SORBS2: variants seen among roughly 807,000 people sequenced by gnomAD.
SORBS2 encodes the protein sorbin and SH3 domain-containing protein 2.
A neutral mutation model predicts 97.7 loss-of-function variants in SORBS2; 46 were observed. That is an observed-to-expected ratio of 0.47 (90% CI 0.37 to 0.60). The LOEUF is 0.60. Among genes scored for constraint, SORBS2 ranks in the 20% least tolerant of loss-of-function variants. The pLI is 0.00. For missense variants in SORBS2, 1,316 were observed against 1,282.3 expected (o/e 1.03, Z -0.40); for synonymous variants, 476 against 473.4 (o/e 1.01, Z -0.07).
intron 1 of SORBS2, among the ~76,000 whole-genome samples, chr4:185,950,376 AG>A (rs1370513865): frequency 6.6e-6 from 1 of 152,238 alleles, no homozygotes; most frequent in Non-Finnish European, 1.5e-5. Flanking sequence ...ATGGAATTAG[AG>A]GCAGATGAAG....
intron 2 of SORBS2, among the ~76,000 whole-genome samples, chr4:185,762,232 A>G (rs772875331): frequency 5.3e-4 from 80 of 152,196 alleles, no homozygotes; most frequent in Admixed American, 1.2e-3. Flanking sequence ...GGGTGGCACC[A>G]TCGTCAAGAT....
intron 4 of SORBS2, chr4:185,677,594 C>G: frequency 6.5e-7 from 1 of 1,535,150 alleles, no homozygotes; most frequent in South Asian, 1.2e-5. Context: ...GACTGGTTAT[C>G]AAAGAGCTAT....
chr4:185,586,740 C>A (rs1019220331), exon 15 of SORBS2: 2 of 152,580 alleles, frequency 1.3e-5, no homozygotes, highest in African/African-American at 4.8e-5. Context: ...ATTCTTTGCA[C>A]CTCTCACTAA....
At chr4:185,694,675 C>CT (rs1042269923) in intron 2 of SORBS2, among the ~76,000 whole-genome samples, 6 of 132,190 alleles carry the variant, frequency 4.5e-5, no homozygotes, top group South Asian at 2.5e-4. Flanking sequence ...GCTTGAATTT[C>CT]TTTTTTTTCT....
In SORBS2 at chr4:185,727,622, A is replaced by G. The variant is rs528319513; in HGVS notation, c.-198+47605T>C. 2.6e-3 allele frequency among the ~76,000 whole-genome samples: 392 copies of G among 152,366 alleles called. 4 individuals are homozygous for G. Among genetic ancestry groups the G allele is most frequent in the African/African-American group, 9.1e-3 (380 of 41,594 alleles). Reference sequence around the variant, plus strand: ...TCATTTCAACAAGCTTCTGTAAATAAATAGGCTTTCATTAGGAAACCAGCC... The same window carrying G: ...TCATTTCAACAAGCTTCTGTAAATAGATAGGCTTTCATTAGGAAACCAGCC... On this transcript the variant is annotated intron_variant, in intron 2 of 20. Coordinates refer to the SORBS2 transcript ENST00000284776.
At position 185,763,758 on chromosome 4, in the gene SORBS2, A is replaced by C. The variant is rs146416349; in HGVS notation, c.-198+11469T>G. 1.9e-3 allele frequency among the ~76,000 whole-genome samples: 291 copies of C among 152,300 alleles called. 2 individuals carry two copies. The highest frequency in any genetic ancestry group is 6.6e-3 in the African/African-American group (276 of 41,580). ...AAAATTATAAAGACTTTTGGCTTGC[A>C]CTGAATTTTCAGATTACATGTGAAA... On this transcript the variant is annotated intron_variant, in intron 2 of 20. Transcript: ENST00000284776.
Position 185,606,437 on chromosome 4 carries a change from C to A in SORBS2, c.2796+5343G>T, listed in dbSNP as rs1389084367. ...TTAAATATGGTGTGTTTTCATATAC[C>A]CACTCCACCCCCATCTTATATAGTA... On this transcript the variant is annotated intron_variant, in intron 12 of 14. Coordinates refer to ENST00000418609, the Ensembl canonical transcript of SORBS2. The surrounding 1 kb of genome is among the most constrained non-coding windows in gnomAD (Gnocchi z 4.3). The A allele has an allele frequency of 1.0e-6, 1 of 972,044 alleles. No individual in the cohort carries two copies. The highest frequency in any genetic ancestry group is 1.2e-6 in the Non-Finnish European group (1 of 818,344). 60.2% of individuals were successfully genotyped at this position (972,044 alleles called of 1,614,324 possible).
chr4:185,632,004 C>T (rs1437101230), intron 4 of SORBS2, among the ~76,000 whole-genome samples: 2 of 152,192 alleles, frequency 1.3e-5, no homozygotes, highest in Admixed American at 6.5e-5. Flanking sequence ...CAAATGTTGT[C>T]TTAAGTTGCC....
chr4:185,603,780 A>T (rs758530651), intron 12 of SORBS2, among the ~76,000 whole-genome samples: 15 of 152,198 alleles, frequency 9.9e-5, no homozygotes, highest in Non-Finnish European at 2.1e-4. Context: ...TGTTAAAATA[A>T]TTTTTTAAAA....
At chr4:185,887,058 AC>A (rs146650796) in intron 1 of SORBS2, among the ~76,000 whole-genome samples, 1,579 of 152,292 alleles carry the variant, frequency 0.01, 8 homozygotes, top group Non-Finnish European at 0.016. Context: ...TTTGCAGCAC[AC>A]TTGAGTTGCA....
At chr4:185,887,006 A>G (rs6552935) in intron 1 of SORBS2, among the ~76,000 whole-genome samples, 116,280 of 152,000 alleles carry the variant, frequency 0.77, 44,669 homozygotes, top group African/African-American at 0.85. Flanking sequence ...CCTTCCAGCC[A>G]GTTTGAAGAC....
At chr4:185,830,696 G>C (rs1029850012) in intron 1 of SORBS2, among the ~76,000 whole-genome samples, 12 of 152,162 alleles carry the variant, frequency 7.9e-5, no homozygotes, top group Non-Finnish European at 1.6e-4. Flanking sequence ...GGTTGGTGCT[G>C]TTTGTTGAAG....
intron 1 of SORBS2, among the ~76,000 whole-genome samples, chr4:185,844,864 T>G (rs1001715118): frequency 6.6e-6 from 1 of 152,190 alleles, no homozygotes; most frequent in Non-Finnish European, 1.5e-5. Flanking sequence ...AAAGACTATA[T>G]GTAACACGAT....
intron 1 of SORBS2, among the ~76,000 whole-genome samples, chr4:185,906,956 T>A (rs894201364): frequency 6.6e-6 from 1 of 151,932 alleles, no homozygotes. Context: ...CGAAACCCCG[T>A]GTCTACTAAA....
intron 1 of SORBS2, among the ~76,000 whole-genome samples, chr4:185,791,927 C>T (rs1021491150): frequency 2.6e-5 from 4 of 152,166 alleles, no homozygotes; most frequent in Non-Finnish European, 5.9e-5. Context: ...TGCCAGTAAA[C>T]AGACAGGCCC....
chr4:185,596,567 A>C (rs2096096585), intron 12 of SORBS2, among the ~76,000 whole-genome samples: 1 of 112,116 alleles, frequency 8.9e-6, no homozygotes, highest in Non-Finnish European at 1.7e-5. Flanking sequence ...ATGGAGTCTC[A>C]CTCTGCCACC....
intron 2 of SORBS2, among the ~76,000 whole-genome samples, chr4:185,712,504 T>C (rs890182337): frequency 1.3e-5 from 2 of 152,234 alleles, no homozygotes; most frequent in African/African-American, 4.8e-5. Flanking sequence ...TATAAAAGGC[T>C]GTCACACTGG....
At chr4:185,923,162 G>T (rs2099261768) in intron 1 of SORBS2, among the ~76,000 whole-genome samples, 1 of 152,160 alleles carries the variant, frequency 6.6e-6, no homozygotes, top group African/African-American at 2.4e-5. Flanking sequence ...CTCCACAAAG[G>T]TGAGTGTCTT....
At chr4:185,740,139 G>C (rs1178535157) in intron 2 of SORBS2, 1 of 152,618 alleles carries the variant, frequency 6.6e-6, no homozygotes, top group Non-Finnish European at 1.5e-5. Flanking sequence ...TTGAGTATCA[G>C]TGCTATAAAA....
Sources: allele counts gnomAD v4.1 joint callset (sites outside exome capture counted in the v4.1 genomes callset), GRCh38; gene constraint gnomAD v4.1.1; non-coding constraint Gnocchi (gnomAD v3.1); transcripts MANE v1.5; gene names NCBI Gene and HGNC (gene_info 2026-07-23, HGNC 2026-07-21).